The following TNFRSF19 variants were observed in gnomAD, a reference collection of about 807,000 sequenced individuals.
TNFRSF19 encodes the protein tumor necrosis factor receptor superfamily member 19.
In TNFRSF19, 27 loss-of-function variants were observed where a neutral mutation model predicts 46.4. That is an observed-to-expected ratio of 0.58 (90% confidence interval 0.43 to 0.80). The LOEUF is 0.80. TNFRSF19 is among the 30% of genes least tolerant of loss of function. TNFRSF19 has a pLI of 0.00. For synonymous variants in TNFRSF19, 204 were observed against 205.0 expected, an observed-to-expected ratio of 1.00 and a Z score of 0.04; for missense variants, 511 against 530.8, an observed-to-expected ratio of 0.96 and a Z score of 0.37.
chr13:23,591,042 A>C (rs1879246260), intron 2 of TNFRSF19, among the ~76,000 whole-genome samples: 1 of 152,252 alleles, frequency 6.6e-6, no homozygotes, highest in Non-Finnish European at 1.5e-5. Context: ...AAAGTTTGAC[A>C]AAAGATTTAT....
intron 7 of TNFRSF19, among the ~76,000 whole-genome samples, chr13:23,663,290 T>C (rs558338747): frequency 1.3e-5 from 2 of 152,340 alleles, no homozygotes; most frequent in African/African-American, 4.8e-5. Context: ...GTTTTGTCTT[T>C]AGTTCTGTTT....
chr13:23,631,012 A>G (rs1162919238), intron 5 of TNFRSF19, among the ~76,000 whole-genome samples: 1 of 152,186 alleles, frequency 6.6e-6, no homozygotes, highest in East Asian at 1.9e-4. Context: ...GCTGACCTGC[A>G]ACTCTTAGGA....
At chr13:23,576,105 C>G (rs559061612) in intron 1 of TNFRSF19, among the ~76,000 whole-genome samples, 1 of 151,056 alleles carries the variant, frequency 6.6e-6, no homozygotes, top group Admixed American at 6.6e-5. Context: ...CATCCAGTTT[C>G]ATTTTGCATG....
chr13:23,603,488 C>A (rs1880306931), intron 3 of TNFRSF19, among the ~76,000 whole-genome samples: 2 of 151,976 alleles, frequency 1.3e-5, no homozygotes, highest in South Asian at 4.1e-4. Context: ...CCAGAAATCA[C>A]CCTAATGCCT....
rs376817601 is a variant in TNFRSF19 at position 23,660,485 on chromosome 13, C to A, written c.731C>A (p.Thr244Asn). The stretch of plus-strand genomic sequence containing the variant: ...CAGTGCCGCCGTGACTCAGTGCAGA[C>A]CTGCGGTAAGTTCAGCAGGGAAGTG... Reference protein sequence around the residue: ...CCQCRRDSVQTCGPVRLLPSM... With the variant: ...CCQCRRDSVQNCGPVRLLPSM... Residue 244 changes from threonine to asparagine, a missense_variant, in exon 7 of 10, where the codon ACC becomes AAC. This residue lies in a region of TNFRSF19 where 376 missense variants were observed against 372.7 expected (regional missense o/e 1.01). Coordinates refer to ENST00000248484, the MANE Select transcript of TNFRSF19 (RefSeq NM_148957.4). The A allele has an allele frequency of 5.0e-6, 8 of 1,612,788 alleles. No individual in the cohort carries two copies. In the African/African-American group the frequency reaches 9.4e-5, roughly 19 times the overall value.
At chr13:23,650,641 A>T (rs1883575074) in intron 5 of TNFRSF19, among the ~76,000 whole-genome samples, 1 of 152,084 alleles carries the variant, frequency 6.6e-6, no homozygotes, top group Admixed American at 6.6e-5. Flanking sequence ...CCTTTTGGGG[A>T]GATAAGAATG....
chr13:23,648,130 C>T (rs538620169), intron 5 of TNFRSF19, among the ~76,000 whole-genome samples: 1 of 152,038 alleles, frequency 6.6e-6, no homozygotes, highest in South Asian at 2.1e-4. Flanking sequence ...TAAAAAATGC[C>T]ATTGAATTTT....
chr13:23,619,459 ATGG>A (rs1301466234), intron 4 of TNFRSF19, among the ~76,000 whole-genome samples: 3 of 151,998 alleles, frequency 2.0e-5, no homozygotes, highest in Non-Finnish European at 2.9e-5. Context: ...GATTGTGGTG[ATGG>A]TTGTACAACT....
chr13:23,658,690 C>T (rs1428166957), intron 5 of TNFRSF19, among the ~76,000 whole-genome samples: 1 of 152,212 alleles, frequency 6.6e-6, no homozygotes, highest in Non-Finnish European at 1.5e-5. Context: ...ACATTAGTTC[C>T]CTGCCACATG....
chr13:23,625,174 T>A (rs966018033), intron 4 of TNFRSF19, among the ~76,000 whole-genome samples: 1 of 152,218 alleles, frequency 6.6e-6, no homozygotes, highest in Non-Finnish European at 1.5e-5. Flanking sequence ...TTTCATGACT[T>A]TTTAAAAATG....
intron 1 of TNFRSF19, chr13:23,579,266 G>A (rs1388549537): frequency 6.6e-6 from 1 of 152,388 alleles, no homozygotes; most frequent in Non-Finnish European, 1.5e-5. Flanking sequence ...CTGGACGGGG[G>A]CGGAGCCACG....
chr13:23,585,140 G>A (rs1878731371), intron 1 of TNFRSF19, among the ~76,000 whole-genome samples: 1 of 152,044 alleles, frequency 6.6e-6, no homozygotes, highest in African/African-American at 2.4e-5. Flanking sequence ...TTTTAAAAAT[G>A]TTTCATCTTA....
At chr13:23,582,144 G>T (rs1878481623) in intron 1 of TNFRSF19, among the ~76,000 whole-genome samples, 2 of 151,532 alleles carry the variant, frequency 1.3e-5, no homozygotes, top group Non-Finnish European at 2.9e-5. Context: ...ACTTTGGGAG[G>T]CCGAGGCGGG....
intron 1 of TNFRSF19, among the ~76,000 whole-genome samples, chr13:23,573,621 G>A (rs1158996165): frequency 6.6e-6 from 1 of 152,134 alleles, no homozygotes; most frequent in East Asian, 1.9e-4. Flanking sequence ...TTCCTCCAGG[G>A]AAATTCCCAG....
intron 2 of TNFRSF19, among the ~76,000 whole-genome samples, chr13:23,590,459 C>T (rs1234581358): frequency 2.6e-5 from 4 of 152,116 alleles, no homozygotes; most frequent in Non-Finnish European, 4.4e-5. Context: ...CTCAGCCTCC[C>T]GAGTCACTGG....
intron 1 of TNFRSF19, among the ~76,000 whole-genome samples, chr13:23,574,004 G>A (rs1877793390): frequency 6.8e-6 from 1 of 147,742 alleles, no homozygotes; most frequent in Non-Finnish European, 1.5e-5. Flanking sequence ...AGAGCTTTCA[G>A]TGAGCCGAGA....
chr13:23,578,924 G>A (rs907982204), intron 1 of TNFRSF19, among the ~76,000 whole-genome samples: 1 of 152,238 alleles, frequency 6.6e-6, no homozygotes, highest in Non-Finnish European at 1.5e-5. Context: ...GCGAGTCCCT[G>A]CCGGCTGAGG....
intron 3 of TNFRSF19, among the ~76,000 whole-genome samples, chr13:23,608,492 T>C (rs1272441354): frequency 1.3e-5 from 2 of 152,222 alleles, no homozygotes; most frequent in Admixed American, 1.3e-4. Context: ...ATTTGTCCAT[T>C]GTCACTGCTA....
intron 3 of TNFRSF19, among the ~76,000 whole-genome samples, chr13:23,614,237 A>G (rs1230154108): frequency 6.6e-6 from 1 of 152,194 alleles, no homozygotes. Flanking sequence ...AGACAGGCAG[A>G]GTAATTGAAA....
Sources: gnomAD v4.1 joint callset for allele counts (sites outside exome capture counted in the v4.1 genomes callset) on GRCh38, gnomAD v4.1.1 for gene constraint, gnomAD v4.1.1 regional missense constraint, MANE v1.5 for transcripts, NCBI Gene and HGNC (gene_info 2026-07-23, HGNC 2026-07-21) for gene names.